Variants in SAMD4A observed in about 807,000 individuals in gnomAD.
The protein encoded by SAMD4A is protein Smaug homolog 1.
Under a neutral mutation model 81.3 loss-of-function variants are expected in SAMD4A, and 33 were observed. The ratio of observed to expected loss-of-function variants is 0.41; its 90% CI spans 0.31 to 0.54. The LOEUF (loss-of-function observed/expected upper bound fraction) is 0.54, where lower values mean the gene tolerates loss of function less well. Ranked by LOEUF, SAMD4A falls within the 20% of genes least tolerant of loss-of-function variation. The pLI is 0.37. For synonymous variants in SAMD4A, 389 were observed against 382.1 expected (o/e 1.02, Z -0.21); for missense variants, 854 against 951.1 (o/e 0.90, Z 1.34).
intron 2 of SAMD4A, among the ~76,000 whole-genome samples, chr14:54,669,835 G>A (rs1382391080): frequency 1.3e-5 from 2 of 152,162 alleles, no homozygotes; most frequent in African/African-American, 4.8e-5. Context: ...GGAACGCTTT[G>A]CACCAAGAAT....
intron 3 of SAMD4A, among the ~76,000 whole-genome samples, chr14:54,710,487 G>T (rs1307424512): frequency 6.6e-6 from 1 of 152,170 alleles, no homozygotes; most frequent in Admixed American, 6.5e-5. Context: ...CTACTAAGTA[G>T]TTCAGCTGGG....
chr14:54,649,078 TTGAC>T (rs1166350461), intron 2 of SAMD4A, among the ~76,000 whole-genome samples: 1 of 152,158 alleles, frequency 6.6e-6, no homozygotes, highest in African/African-American at 2.4e-5. Context: ...AGTGGTATCA[TTGAC>T]TGAGATGGGA....
Position 54,573,756 on chromosome 14 carries a change from C to T in SAMD4A, c.196+5644C>T, listed in dbSNP as rs182699356. Reference sequence around the variant, plus strand: ...GCTATTTTTGCTTCCATTGAAGCTGCCTGAGGCAGGATTTTCCCAAAGAAA... The same window carrying T: ...GCTATTTTTGCTTCCATTGAAGCTGTCTGAGGCAGGATTTTCCCAAAGAAA... On this transcript the variant is annotated intron_variant, in intron 2 of 12. Transcript: ENST00000554335. 4.0e-3 allele frequency among the ~76,000 whole-genome samples: 610 copies of T among 152,284 alleles called. 3 individuals are homozygous for T. Among genetic ancestry groups the T allele is most frequent in the Admixed American group, 9.5e-3 (146 of 15,302 alleles).
intron 2 of SAMD4A, among the ~76,000 whole-genome samples, chr14:54,633,860 A>G (rs73271534): frequency 0.043 from 6,474 of 152,238 alleles, 460 homozygotes; most frequent in African/African-American, 0.15. Context: ...TGCTAAACAA[A>G]TATCAGCTTT....
At chr14:54,568,889 AT>A (rs2033045312) in intron 2 of SAMD4A, among the ~76,000 whole-genome samples, 1 of 151,812 alleles carries the variant, frequency 6.6e-6, no homozygotes, top group African/African-American at 2.4e-5. Context: ...ATCGTTTCAT[AT>A]TACCCTGCTA....
intron 3 of SAMD4A, among the ~76,000 whole-genome samples, chr14:54,735,495 T>A (rs578156869): frequency 1.2e-4 from 19 of 152,336 alleles, no homozygotes; most frequent in African/African-American, 4.6e-4. Flanking sequence ...TCTTTTGTCC[T>A]CCCTTTTCAT....
chr14:54,685,551 T>C (rs2036244558), intron 2 of SAMD4A: 1 of 384,956 alleles, frequency 2.6e-6, no homozygotes, highest in South Asian at 1.9e-5. Context: ...TGAATAATGC[T>C]ACTGTGAACA....
chr14:54,754,751 A>G, intron 6 of SAMD4A: 1 of 783,894 alleles, frequency 1.3e-6, no homozygotes, highest in Non-Finnish European at 1.6e-6. Flanking sequence ...TAGATTTCTA[A>G]GGAGATAGCT....
chr14:54,657,374 A>G (rs1360194405), intron 2 of SAMD4A, among the ~76,000 whole-genome samples: 1 of 152,200 alleles, frequency 6.6e-6, no homozygotes, highest in African/African-American at 2.4e-5. Context: ...CTCTTCAAGG[A>G]CAGGTGTTTA....
intron 2 of SAMD4A, among the ~76,000 whole-genome samples, chr14:54,671,806 G>C (rs2035886036): frequency 6.6e-6 from 1 of 152,170 alleles, no homozygotes; most frequent in Non-Finnish European, 1.5e-5. Context: ...GATTATCAGG[G>C]CTCAACGCAT....
At chr14:54,753,238 C>T (rs1313251027) in intron 6 of SAMD4A, among the ~76,000 whole-genome samples, 1 of 152,236 alleles carries the variant, frequency 6.6e-6, no homozygotes, top group Non-Finnish European at 1.5e-5. Flanking sequence ...CAGACTATCA[C>T]CTGGGAAGAA....
At chr14:54,664,368 G>A (rs527595143) in intron 2 of SAMD4A, among the ~76,000 whole-genome samples, 4 of 152,256 alleles carry the variant, frequency 2.6e-5, no homozygotes, top group Admixed American at 6.5e-5. Flanking sequence ...TTGTAGGGGC[G>A]GCAGCCGGCT....
At chr14:54,738,514 G>T (rs1319223647) in intron 4 of SAMD4A, among the ~76,000 whole-genome samples, 1 of 152,188 alleles carries the variant, frequency 6.6e-6, no homozygotes, top group Non-Finnish European at 1.5e-5. Context: ...GTGTCTTAAT[G>T]CTGATACAAA....
intron 2 of SAMD4A, among the ~76,000 whole-genome samples, chr14:54,596,534 G>A (rs1258450236): frequency 6.6e-6 from 1 of 152,190 alleles, no homozygotes; most frequent in Non-Finnish European, 1.5e-5. Context: ...ACAGTGAGCC[G>A]AGATCATGCC....
chr14:54,668,191 A>C (rs145948914), intron 2 of SAMD4A, among the ~76,000 whole-genome samples: 270 of 152,288 alleles, frequency 1.8e-3, no homozygotes, highest in African/African-American at 6.2e-3. Flanking sequence ...TAGTTCCTAC[A>C]TACAACTTGT....
chr14:54,573,458 A>G (rs2033194015), intron 2 of SAMD4A, among the ~76,000 whole-genome samples: 1 of 152,210 alleles, frequency 6.6e-6, no homozygotes, highest in Non-Finnish European at 1.5e-5. Flanking sequence ...AGAATTGACA[A>G]CACCAGAGAA....
chr14:54,729,448 A>G (rs1178254026), intron 3 of SAMD4A, among the ~76,000 whole-genome samples: 1 of 152,104 alleles, frequency 6.6e-6, no homozygotes, highest in Non-Finnish European at 1.5e-5. Context: ...ATTTTTACAG[A>G]TACGTGGGAA....
chr14:54,673,921 T>C lies in SAMD4A; in HGVS notation c.197-28141T>C, dbSNP rs1420134409. On this transcript the variant is annotated intron_variant, in intron 2 of 12. Coordinates refer to ENST00000554335, the MANE Select transcript of SAMD4A (RefSeq NM_015589.6). ...TTGAGAGCTGAACTCTGGAGGCCAC[T>C]CTTCCCTACTTTCTGAAGCGTTTGA... Among the ~76,000 whole-genome samples, 4 of 152,228 alleles carry C rather than the reference T, an allele frequency of 2.6e-5. No homozygotes were observed. In the South Asian group the frequency reaches 8.3e-4, roughly 31 times the overall value.
At chr14:54,754,198 C>A (rs1005440084) in intron 6 of SAMD4A, among the ~76,000 whole-genome samples, 1 of 152,176 alleles carries the variant, frequency 6.6e-6, no homozygotes, top group Non-Finnish European at 1.5e-5. Context: ...GACATGCCAT[C>A]GACTTTCCAT....
Sources: allele counts gnomAD v4.1 joint callset (sites outside exome capture counted in the v4.1 genomes callset), GRCh38; gene constraint gnomAD v4.1.1; transcripts MANE v1.5; gene names NCBI Gene and HGNC (gene_info 2026-07-23, HGNC 2026-07-21).